Variants in PPP2R2C observed in about 807,000 individuals in gnomAD.
The protein encoded by PPP2R2C is protein phosphatase 2 regulatory subunit Bgamma.
PPP2R2C carries 10 observed loss-of-function variants against 45.3 expected under a neutral mutation model. The observed-to-expected ratio is 0.22, with a 90% CI of 0.14 to 0.37. The LOEUF (loss-of-function observed/expected upper bound fraction) is 0.37. Among genes scored for constraint, PPP2R2C ranks in the 10% least tolerant of loss-of-function variants. The probability of loss-of-function intolerance (pLI) is 1.00; values close to 1 mark genes in which losing one functional copy is unlikely to be tolerated. For missense variants in PPP2R2C, 308 were observed against 619.7 expected (o/e 0.50, Z 5.34); for synonymous variants, 257 against 245.4 (o/e 1.05, Z -0.44).
intron 6 of PPP2R2C, among the ~76,000 whole-genome samples, chr4:6,337,161 T>TATATATATATATATATATATATA (rs1560454834): frequency 8.8e-6 from 1 of 113,658 alleles, no homozygotes; most frequent in Non-Finnish European, 1.8e-5. Context: ...TATATATATA[T>TATATATATATATATATATATATA]TTGTAGTTTT....
At chr4:6,552,675 C>G (rs1725223593) in intron 1 of PPP2R2C, among the ~76,000 whole-genome samples, 1 of 152,140 alleles carries the variant, frequency 6.6e-6, no homozygotes, top group African/African-American at 2.4e-5. Flanking sequence ...AACTCAAGAG[C>G]CTTAACTTAA....
In PPP2R2C at chr4:6,472,306, G is replaced by A; in HGVS notation, c.-77C>T. ...AATCCGCAGAGGTCGCGCCGGGCGC[G>A]CGGGCCATGCCGCCGCAGCCTAGCA... On this transcript the variant is annotated 5_prime_UTR_variant, in exon 1 of 9. Coordinates refer to ENST00000382599, the MANE Select transcript of PPP2R2C (RefSeq NM_020416.4). The A allele has an allele frequency of 2.5e-6, 4 of 1,586,944 alleles. No homozygotes were observed. The South Asian group carries it at 4.5e-5, about 18-fold the overall frequency.
At chr4:6,444,688 A>G (rs1720326763) in intron 1 of PPP2R2C, among the ~76,000 whole-genome samples, 1 of 152,236 alleles carries the variant, frequency 6.6e-6, no homozygotes, top group Admixed American at 6.5e-5. Context: ...CTGCACATGG[A>G]GAGAGAATCA....
Position 6,471,072 on chromosome 4 carries a change from C to A in PPP2R2C, c.70+1088G>T, listed in dbSNP as rs1381178714. Among the ~76,000 whole-genome samples the A allele has an allele frequency of 6.6e-6, 1 of 152,182 alleles. No individual in the cohort carries two copies. Among genetic ancestry groups the A allele is most frequent in the Non-Finnish European group, 1.5e-5 (1 of 68,020 alleles). On this transcript the variant is annotated intron_variant, in intron 1 of 8. Transcript: ENST00000382599. The surrounding 1 kb of genome is among the most constrained non-coding windows in gnomAD (Gnocchi z 5.6). ...GCGGACCCAGCCGCAGGAGCCCGGTCTCCGCCGCCTGGCCCACTCGGTCTC... is the reference window on the plus strand; with the variant it reads ...GCGGACCCAGCCGCAGGAGCCCGGTATCCGCCGCCTGGCCCACTCGGTCTC...
chr4:6,379,514 A>G (rs759003343), intron 2 of PPP2R2C, among the ~76,000 whole-genome samples: 1 of 152,240 alleles, frequency 6.6e-6, no homozygotes, highest in Non-Finnish European at 1.5e-5. Context: ...AGCACTCGCT[A>G]TGACAAAGGT....
intron 2 of PPP2R2C, among the ~76,000 whole-genome samples, chr4:6,514,497 C>T (rs907314734): frequency 4.6e-5 from 7 of 152,268 alleles, no homozygotes; most frequent in African/African-American, 1.7e-4. Context: ...AGTATTTGTC[C>T]CCCAGTGGCT....
chr4:6,342,105 C>T (rs1261618102), intron 6 of PPP2R2C, among the ~76,000 whole-genome samples: 1 of 147,592 alleles, frequency 6.8e-6, no homozygotes, highest in East Asian at 1.9e-4. Context: ...CACACACACA[C>T]ACACACACAC....
intron 1 of PPP2R2C, among the ~76,000 whole-genome samples, chr4:6,417,151 C>T (rs145705099): frequency 2.2e-4 from 34 of 152,260 alleles, no homozygotes; most frequent in East Asian, 1.9e-3. Flanking sequence ...TTATGCTCCA[C>T]GGGTCCAGCC....
chr4:6,420,293 C>G (rs35692054), intron 1 of PPP2R2C, among the ~76,000 whole-genome samples: 1 of 150,126 alleles, frequency 6.7e-6, no homozygotes, highest in Non-Finnish European at 1.5e-5. Context: ...TGTCTCCTTC[C>G]ATCAGAATGT....
intron 2 of PPP2R2C, among the ~76,000 whole-genome samples, chr4:6,491,784 T>C (rs7692662): frequency 0.49 from 75,048 of 152,034 alleles, 19,087 homozygotes; most frequent in African/African-American, 0.53. Context: ...CTGCTGGCCA[T>C]GTGAATATGT....
intron 3 of PPP2R2C, among the ~76,000 whole-genome samples, chr4:6,376,627 A>C (rs1232021215): frequency 6.6e-6 from 1 of 151,774 alleles, no homozygotes; most frequent in Non-Finnish European, 1.5e-5. Flanking sequence ...CTAATATTTT[A>C]TTTTTTTGTA....
intron 2 of PPP2R2C, among the ~76,000 whole-genome samples, chr4:6,504,193 T>TGA (rs1210137742): frequency 2.0e-5 from 3 of 152,224 alleles, no homozygotes; most frequent in African/African-American, 7.2e-5. Context: ...GTCCCATGTA[T>TGA]GAAGTCAACC....
chr4:6,535,188 G>A lies in PPP2R2C; in HGVS notation c.49+83C>T, dbSNP rs968279721. On this transcript the variant is annotated intron_variant, in intron 2 of 9. Transcript: ENST00000506140. The stretch of plus-strand genomic sequence containing the variant: ...GTCGGCTTCCCGCTGTCAGGCTGGC[G>A]CTGTGTCGGGCGCCTGTGACCCACA... 5.1e-5 allele frequency: 73 copies of A among 1,427,928 alleles called. 1 individual carries two copies. The Middle Eastern group carries it at 9.9e-4, about 19-fold the overall frequency. The allele number at this position is 1,427,928 out of a possible 1,614,324, so 88.5% of individuals were successfully genotyped here. A position where few individuals can be genotyped will look rare whatever the true frequency, so the allele number is the denominator to read the frequency against.
chr4:6,381,762 G>A, intron 1 of PPP2R2C: 1 of 1,608,330 alleles, frequency 6.2e-7, no homozygotes, highest in African/African-American at 1.3e-5. Flanking sequence ...TCTCCTTATG[G>A]AGTCACCCCC....
At chr4:6,490,916 T>C (rs1314896249) in intron 2 of PPP2R2C, among the ~76,000 whole-genome samples, 2 of 152,112 alleles carry the variant, frequency 1.3e-5, no homozygotes, top group Non-Finnish European at 2.9e-5. Context: ...CTTAAAGAGG[T>C]TAAGCAACCT....
intron 6 of PPP2R2C, among the ~76,000 whole-genome samples, chr4:6,340,454 TC>T (rs1398573736): frequency 2.6e-5 from 4 of 152,054 alleles, no homozygotes; most frequent in South Asian, 4.1e-4. Context: ...CTAGTCCCCT[TC>T]CTGTGGTCCC....
chr4:6,347,921 C>T lies in PPP2R2C; in HGVS notation c.715G>A (p.Val239Ile), dbSNP rs775581608. Reference sequence around the variant, plus strand: ...AGGGAGCCCTTGCTGCTGCTGTAGACGAAGAGGTTGCAGTGGTGCGGATGG... The same window carrying T: ...AGGGAGCCCTTGCTGCTGCTGTAGATGAAGAGGTTGCAGTGGTGCGGATGG... Reference protein sequence around the residue: ...EFHPHHCNLFVYSSSKGSLRL... With the variant: ...EFHPHHCNLFIYSSSKGSLRL... The change falls in exon 6 of 9, where the codon GTC becomes ATC. Residue 239 changes from valine (V) to isoleucine (I), a missense_variant. Coordinates refer to ENST00000382599, the MANE Select transcript of PPP2R2C (RefSeq NM_020416.4). The T allele has an allele frequency of 3.1e-6, 5 of 1,613,980 alleles. No individual in the cohort carries two copies. The highest frequency in any genetic ancestry group is 3.4e-6 in the Non-Finnish European group (4 of 1,179,994).
chr4:6,504,584 G>C (rs1051585326), intron 2 of PPP2R2C, among the ~76,000 whole-genome samples: 2 of 152,096 alleles, frequency 1.3e-5, no homozygotes, highest in Non-Finnish European at 2.9e-5. Context: ...AAAATAAGTA[G>C]TCTCAGCAAA....
At chr4:6,400,600 A>C (rs150576215) in intron 1 of PPP2R2C, among the ~76,000 whole-genome samples, 20 of 152,366 alleles carry the variant, frequency 1.3e-4, no homozygotes, top group African/African-American at 4.6e-4. Context: ...TGTTTGATCT[A>C]CTAAGGCATC....
Sources: allele counts gnomAD v4.1 joint callset (sites outside exome capture counted in the v4.1 genomes callset), GRCh38; gene constraint gnomAD v4.1.1; non-coding constraint Gnocchi (gnomAD v3.1); transcripts MANE v1.5; gene names NCBI Gene and HGNC (gene_info 2026-07-23, HGNC 2026-07-21).